ZFHX3: variants seen among roughly 807,000 people sequenced by gnomAD.
ZFHX3 encodes the protein zinc finger homeobox 3.
Under a neutral mutation model 279.1 loss-of-function variants are expected in ZFHX3, and 42 were observed. That is an observed-to-expected ratio of 0.15 (90% CI 0.12 to 0.19). The LOEUF (loss-of-function observed/expected upper bound fraction) is 0.19, where lower values mean the gene tolerates loss of function less well. ZFHX3 is among the 10% of genes least tolerant of loss of function. The pLI, the probability that ZFHX3 is intolerant of heterozygous loss-of-function variation, is 1.00. For synonymous variants in ZFHX3, 2,293 were observed against 1,957.8 expected (o/e 1.17, Z -4.52); for missense variants, 4,981 against 4,754.0 (o/e 1.05, Z -1.40).
chr16:72,844,435 G>T (rs1359627203), intron 4 of ZFHX3, among the ~76,000 whole-genome samples: 3 of 151,966 alleles, frequency 2.0e-5, no homozygotes, highest in African/African-American at 4.8e-5. Context: ...CCTTCACACC[G>T]CCCATGTTTC....
At chr16:73,259,309 T>A (rs1170925830) in intron 4 of ZFHX3, among the ~76,000 whole-genome samples, 1 of 152,246 alleles carries the variant, frequency 6.6e-6, no homozygotes, top group African/African-American at 2.4e-5. Context: ...TCCAACACAC[T>A]GTAAGATTAT....
intron 3 of ZFHX3, among the ~76,000 whole-genome samples, chr16:73,325,928 A>ACAAAAACACACAC (rs1567451240): frequency 0.24 from 35,433 of 145,454 alleles, 5,110 homozygotes; most frequent in Non-Finnish European, 0.34. Context: ...CACACACACA[A>ACAAAAACACACAC]ACACACACAC....
chr16:73,633,469 C>T (rs75037074), intron 2 of ZFHX3, among the ~76,000 whole-genome samples: 4,704 of 152,162 alleles, frequency 0.031, 250 homozygotes, highest in African/African-American at 0.11. Context: ...ACCCTCAGGC[C>T]GGGGTAATCT....
intron 3 of ZFHX3, among the ~76,000 whole-genome samples, chr16:73,326,814 C>A (rs891938168): frequency 6.6e-6 from 1 of 152,172 alleles, no homozygotes; most frequent in Non-Finnish European, 1.5e-5. Flanking sequence ...GAAGCTATAG[C>A]CCCTATTTGG....
In ZFHX3 at chr16:72,788,094, C is replaced by CTGCTGCTGCACTTTT. The variant is rs769521479; in HGVS notation, c.10167_10181dup (p.Lys3390_Gln3394dup). 6.2e-6 allele frequency: 10 copies of CTGCTGCTGCACTTTT among 1,608,448 alleles called. No individual in the cohort carries two copies. Among genetic ancestry groups the CTGCTGCTGCACTTTT allele is most frequent in the South Asian group, 5.5e-5 (5 of 90,994 alleles). ...CTGGGGTTTGGCTTGCTTTGGGCTG[C>CTGCTGCTGCACTTTT]TGCTGCTGCACTTTTTGCTGCTGCT... is the stretch of plus-strand genomic sequence containing the variant. On this transcript the variant is annotated inframe_insertion, in exon 10 of 10. Coordinates refer to ENST00000268489, the MANE Select transcript of ZFHX3 (RefSeq NM_006885.4).
chr16:73,668,657 A>G (rs1467431862), intron 2 of ZFHX3, among the ~76,000 whole-genome samples: 2 of 146,862 alleles, frequency 1.4e-5, no homozygotes, highest in Non-Finnish European at 3.0e-5. Flanking sequence ...TTTTTTTTGC[A>G]ATCTATCCAT....
intron 1 of ZFHX3, among the ~76,000 whole-genome samples, chr16:73,822,320 T>C (rs997886296): frequency 1.3e-5 from 2 of 152,218 alleles, no homozygotes; most frequent in African/African-American, 2.4e-5. Context: ...AAAGGCACGA[T>C]AGTTCAGTCA....
intron 5 of ZFHX3, among the ~76,000 whole-genome samples, chr16:73,256,803 C>A (rs565475903): frequency 2.2e-4 from 34 of 152,216 alleles, no homozygotes; most frequent in African/African-American, 7.7e-4. Flanking sequence ...AATCATAGTG[C>A]CCTTTGTACC....
chr16:72,865,861 T>G (rs2038007121), intron 4 of ZFHX3, among the ~76,000 whole-genome samples: 1 of 152,098 alleles, frequency 6.6e-6, no homozygotes, highest in Admixed American at 6.5e-5. Flanking sequence ...CTTTGAGGCA[T>G]GAACTCTGGA....
At chr16:73,493,108 C>T (rs1192953726) in intron 2 of ZFHX3, among the ~76,000 whole-genome samples, 2 of 151,974 alleles carry the variant, frequency 1.3e-5, no homozygotes, top group Non-Finnish European at 2.9e-5. Flanking sequence ...GTATCCACCT[C>T]TCTCTGTAAT....
chr16:73,120,307 C>T (rs1448485937), intron 7 of ZFHX3, among the ~76,000 whole-genome samples: 1 of 152,088 alleles, frequency 6.6e-6, no homozygotes, highest in Non-Finnish European at 1.5e-5. Context: ...GTCACCCCGG[C>T]TGGAGTGCAC....
intron 2 of ZFHX3, among the ~76,000 whole-genome samples, chr16:73,555,470 T>C (rs1348618233): frequency 1.3e-5 from 2 of 151,778 alleles, no homozygotes; most frequent in African/African-American, 4.8e-5. Context: ...TTTGTATTTT[T>C]AAGAGGCTCT....
At chr16:73,835,931 G>A (rs1961135348) in intron 1 of ZFHX3, among the ~76,000 whole-genome samples, 1 of 152,078 alleles carries the variant, frequency 6.6e-6, no homozygotes. Context: ...ATCCTGGCTA[G>A]GAGCAAGGTA....
At chr16:73,563,171 TGTG>T (rs1485903736) in intron 2 of ZFHX3, among the ~76,000 whole-genome samples, 40 of 2,554 alleles carry the variant, frequency 0.016, no homozygotes, top group Non-Finnish European at 0.026. Context: ...TTTGTTTTGT[TGTG>T]TGTGTGTGTG....
At chr16:73,667,110 G>C (rs1255738281) in intron 2 of ZFHX3, among the ~76,000 whole-genome samples, 1 of 152,032 alleles carries the variant, frequency 6.6e-6, no homozygotes, top group Non-Finnish European at 1.5e-5. Flanking sequence ...TCCTGCCTCA[G>C]CCTCCCAAGT....
In ZFHX3 at chr16:73,038,489, A is replaced by G. The variant is rs368261908; in HGVS notation, c.-50+9263T>C. 5.3e-5 allele frequency among the ~76,000 whole-genome samples: 8 copies of G among 152,350 alleles called. No homozygotes were observed. In the East Asian group the frequency reaches 1.4e-3, roughly 26 times the overall value. On this transcript the variant is annotated intron_variant, in intron 1 of 9. Transcript: ENST00000268489. ...AATCATCTGAGAACTAAGCCATCCA[A>G]TATGACGGCCACAACTGCACGCGGC...
intron 1 of ZFHX3, among the ~76,000 whole-genome samples, chr16:73,757,201 T>C (rs1208306203): frequency 6.6e-6 from 1 of 152,142 alleles, no homozygotes; most frequent in Non-Finnish European, 1.5e-5. Flanking sequence ...GCCTGTAACA[T>C]GCAGAGGACA....
chr16:72,793,892 C>T lies in ZFHX3; in HGVS notation c.8790G>A (p.Ala2930=), dbSNP rs200100120. Residue 2930 remains alanine, a synonymous_variant, in exon 9 of 10, where the codon GCG becomes GCA. Coordinates refer to ENST00000268489, the MANE Select transcript of ZFHX3 (RefSeq NM_006885.4). This position sits in a 1 kb window ranked among gnomAD's most constrained non-coding sequence, Gnocchi z 4.3. ...LADPCSPSPG[A]SGSAGKSGDS... Reference sequence around the variant, plus strand: ...CACCAGATTTGCCTGCAGATCCACTCGCACCAGGACTCGGGGAGCAGGGAT... The same window carrying T: ...CACCAGATTTGCCTGCAGATCCACTTGCACCAGGACTCGGGGAGCAGGGAT... The T allele has an allele frequency of 8.5e-5, 138 of 1,614,174 alleles. No homozygotes were observed. The highest frequency in any genetic ancestry group is 1.0e-4 in the Non-Finnish European group (120 of 1,180,034).
intron 3 of ZFHX3, among the ~76,000 whole-genome samples, chr16:72,931,518 G>A (rs917358182): frequency 6.7e-6 from 1 of 149,026 alleles, no homozygotes; most frequent in Admixed American, 6.7e-5. Flanking sequence ...AGTAGCCAAG[G>A]AGATTAACTT....
Sources: gnomAD v4.1 joint callset for allele counts (sites outside exome capture counted in the v4.1 genomes callset) on GRCh38, gnomAD v4.1.1 for gene constraint, Gnocchi (gnomAD v3.1) non-coding constraint, MANE v1.5 for transcripts, NCBI Gene and HGNC (gene_info 2026-07-23, HGNC 2026-07-21) for gene names.